Variants in EPHA3 observed in about 807,000 individuals in gnomAD.
The protein encoded by EPHA3 is ephrin type-A receptor 3.
EPHA3 carries 42 observed loss-of-function variants against 107.1 expected under a neutral mutation model. That is an observed-to-expected ratio of 0.39 (90% CI 0.31 to 0.51). The LOEUF is 0.51. EPHA3 is among the 20% of genes least tolerant of loss of function. The pLI is 0.78. For synonymous variants in EPHA3, 461 were observed against 424.8 expected (o/e 1.09, Z -1.05); for missense variants, 1,183 against 1,211.2 (o/e 0.98, Z 0.35).
At chr3:89,327,927 A>G (rs1707203519) in intron 3 of EPHA3, among the ~76,000 whole-genome samples, 2 of 151,980 alleles carry the variant, frequency 1.3e-5, no homozygotes, top group South Asian at 4.1e-4. Context: ...GTGGAACCCC[A>G]TCTCCACTAA....
chr3:89,300,854 A>G (rs1346999769), intron 3 of EPHA3, among the ~76,000 whole-genome samples: 1 of 152,074 alleles, frequency 6.6e-6, no homozygotes, highest in African/African-American at 2.4e-5. Context: ...CCATACAGCC[A>G]TACCTGTTCT....
chr3:89,157,624 G>A (rs1281363853), intron 2 of EPHA3, among the ~76,000 whole-genome samples: 1 of 151,906 alleles, frequency 6.6e-6, no homozygotes, highest in Non-Finnish European at 1.5e-5. Context: ...ACCTTGCGGG[G>A]ATAAAACCAG....
chr3:89,387,464 C>G (rs150675696), intron 5 of EPHA3, among the ~76,000 whole-genome samples: 2,436 of 152,242 alleles, frequency 0.016, 69 homozygotes, highest in African/African-American at 0.055. Context: ...GGCCTCCTCA[C>G]CCCTGAGTAA....
Position 89,358,779 on chromosome 3 carries a change from A to G in EPHA3, c.1306+16689A>G, listed in dbSNP as rs539899049. 2.0e-5 allele frequency among the ~76,000 whole-genome samples: 3 copies of G among 151,226 alleles called. No homozygotes were observed. The South Asian group carries it at 6.3e-4, about 32-fold the overall frequency. On this transcript the variant is annotated intron_variant, in intron 5 of 16. Transcript: ENST00000336596. Reference sequence around the variant, plus strand: ...TACTGATTACACATGATGCTAAAAAACTCGCATGCTGTCCCAAAGTTTTTC... The same window carrying G: ...TACTGATTACACATGATGCTAAAAAGCTCGCATGCTGTCCCAAAGTTTTTC...
Position 89,401,779 on chromosome 3 carries a change from T to G in EPHA3, c.1594+2299T>G, listed in dbSNP as rs186496543. 1.8e-4 allele frequency among the ~76,000 whole-genome samples: 28 copies of G among 152,218 alleles called. No individual in the cohort carries two copies. In the East Asian group the frequency reaches 4.8e-3, roughly 26 times the overall value. ...CATGTGCCCACGTCTGGCTAATTTT[T>G]TTTGTATTTTTAGTATAGATGGGGT... On this transcript the variant is annotated intron_variant, in intron 7 of 16. Transcript: ENST00000336596.
intron 15 of EPHA3, among the ~76,000 whole-genome samples, chr3:89,468,093 A>G (rs997718883): frequency 6.6e-6 from 1 of 152,192 alleles, no homozygotes; most frequent in African/African-American, 2.4e-5. Flanking sequence ...GGCTCTTCAC[A>G]GTGAGAGACA....
chr3:89,243,511 A>G (rs1416957740), intron 3 of EPHA3, among the ~76,000 whole-genome samples: 4 of 152,120 alleles, frequency 2.6e-5, no homozygotes, highest in Admixed American at 6.5e-5. Flanking sequence ...GCCAGTGATG[A>G]TGAGCATTTT....
intron 5 of EPHA3, among the ~76,000 whole-genome samples, chr3:89,390,785 A>ATTTTTTT (rs528841771): frequency 0.24 from 31,786 of 131,090 alleles, 4,097 homozygotes; most frequent in African/African-American, 0.3. Context: ...ATTGAAAAGC[A>ATTTTTTT]TTTTTTTTTT....
chr3:89,344,638 C>T (rs1406976337), intron 5 of EPHA3, among the ~76,000 whole-genome samples: 1 of 152,104 alleles, frequency 6.6e-6, no homozygotes, highest in African/African-American at 2.4e-5. Context: ...GAAAAATAAG[C>T]TCCCTACCAC....
intron 9 of EPHA3, among the ~76,000 whole-genome samples, chr3:89,410,335 G>A (rs1055146782): frequency 6.6e-6 from 1 of 151,828 alleles, no homozygotes; most frequent in African/African-American, 2.4e-5. Context: ...TTCTCTACAA[G>A]CTGACTGGTA....
chr3:89,202,409 C>A (rs929963019), intron 2 of EPHA3, among the ~76,000 whole-genome samples: 1 of 150,426 alleles, frequency 6.6e-6, no homozygotes, highest in African/African-American at 2.4e-5. Context: ...CCAGCTACTC[C>A]GGTGACTGAG....
chr3:89,264,259 G>A (rs941861386), intron 3 of EPHA3, among the ~76,000 whole-genome samples: 2 of 152,090 alleles, frequency 1.3e-5, no homozygotes, highest in Admixed American at 6.6e-5. Flanking sequence ...TATAGGATAG[G>A]CATTCTCATT....
intron 15 of EPHA3, among the ~76,000 whole-genome samples, chr3:89,460,823 C>CTTTTTTTTTTT (rs753656853): frequency 9.8e-4 from 101 of 102,700 alleles, no homozygotes; most frequent in African/African-American, 2.5e-3. Context: ...CTCTGTCTCT[C>CTTTTTTTTTTT]TTTTTTTTTT....
chr3:89,393,831 A>C (rs1238773236), intron 5 of EPHA3, among the ~76,000 whole-genome samples: 3 of 152,180 alleles, frequency 2.0e-5, no homozygotes, highest in African/African-American at 4.8e-5. Flanking sequence ...TCAGCAATAC[A>C]TTTATAAATA....
chr3:89,290,647 A>G (rs1261706735), intron 3 of EPHA3, among the ~76,000 whole-genome samples: 1 of 152,182 alleles, frequency 6.6e-6, no homozygotes. Flanking sequence ...AGGTTGAGGC[A>G]TATCTATAAA....
At chr3:89,156,489 G>C (rs918007576) in intron 2 of EPHA3, among the ~76,000 whole-genome samples, 14 of 152,016 alleles carry the variant, frequency 9.2e-5, no homozygotes, top group Admixed American at 7.9e-4. Flanking sequence ...TGTGGAGGGG[G>C]TTATTTGGTG....
At chr3:89,250,088 A>T (rs1020763994) in intron 3 of EPHA3, among the ~76,000 whole-genome samples, 4 of 152,200 alleles carry the variant, frequency 2.6e-5, no homozygotes, top group South Asian at 2.1e-4. Context: ...CCAGTTTTAA[A>T]GTTCTTTTAA....
intron 7 of EPHA3, among the ~76,000 whole-genome samples, chr3:89,401,041 C>T (rs949816820): frequency 1.3e-5 from 2 of 152,118 alleles, no homozygotes; most frequent in African/African-American, 4.8e-5. Context: ...TAGTTCCTGA[C>T]ATAAAATCTC....
chr3:89,386,586 G>T (rs1708627697), intron 5 of EPHA3, among the ~76,000 whole-genome samples: 1 of 152,228 alleles, frequency 6.6e-6, no homozygotes, highest in Non-Finnish European at 1.5e-5. Context: ...AGAGACCTCT[G>T]CAAGGGCAGT....
Sources: allele counts gnomAD v4.1 joint callset (sites outside exome capture counted in the v4.1 genomes callset), GRCh38; gene constraint gnomAD v4.1.1; transcripts MANE v1.5; gene names NCBI Gene and HGNC (gene_info 2026-07-23, HGNC 2026-07-21).